The following CEP85L variants were observed in gnomAD, a reference collection of about 807,000 sequenced individuals.
CEP85L encodes centrosomal protein 85L, also known as centrosomal protein of 85 kDa-like.
Under a neutral mutation model 100.3 loss-of-function variants are expected in CEP85L, and 60 were observed. That is an observed-to-expected ratio of 0.60 (90% CI 0.49 to 0.74). The LOEUF (loss-of-function observed/expected upper bound fraction) is 0.74, where lower values mean the gene tolerates loss of function less well. Among genes scored for constraint, CEP85L ranks in the 30% least tolerant of loss-of-function variants. The probability of loss-of-function intolerance (pLI) is 0.00; values close to 1 mark genes in which losing one functional copy is unlikely to be tolerated. For synonymous variants in CEP85L, 319 were observed against 322.7 expected, an observed-to-expected ratio of 0.99 and a Z score of 0.12; for missense variants, 973 against 936.2, an observed-to-expected ratio of 1.04 and a Z score of -0.51.
chr6:118,486,639 G>C (rs1268126790), intron 6 of CEP85L, among the ~76,000 whole-genome samples: 1 of 152,064 alleles, frequency 6.6e-6, no homozygotes, highest in East Asian at 1.9e-4. Flanking sequence ...AAGAACTCAA[G>C]TCATCTCCAT....
At chr6:118,687,565 A>G (rs1255439815) in intron 1 of CEP85L, among the ~76,000 whole-genome samples, 2 of 152,214 alleles carry the variant, frequency 1.3e-5, no homozygotes, top group Admixed American at 1.3e-4. Context: ...ATAGCCAATC[A>G]TCTCTTGCCT....
chr6:118,482,004 T>C, intron 7 of CEP85L, 71 bp from the exon 8 acceptor site: 2 of 896,686 alleles, frequency 2.2e-6, no homozygotes, highest in Non-Finnish European at 3.1e-6. Flanking sequence ...ACTGTTACTG[T>C]GTTGGCAAGG....
upstream of CEP85L, chr6:118,656,978 A>G (rs2115399458): frequency 6.6e-6 from 1 of 152,330 alleles, no homozygotes; most frequent in Middle Eastern, 3.4e-3. Context: ...GGAACTTGTC[A>G]GATGTGCATT....
In CEP85L at chr6:118,491,428, T is replaced by C. The variant is rs1277956375; in HGVS notation, c.1437+258A>G. 4.4e-6 allele frequency: 5 copies of C among 1,145,624 alleles called. No homozygotes were observed. The Admixed American group carries it at 1.7e-4, about 39-fold the overall frequency. The allele number at this position is 1,145,624 out of a possible 1,614,324, so 71.0% of individuals were successfully genotyped here. The stretch of plus-strand genomic sequence containing the variant: ...GACTCAATAAGGAAAAGGAGAACAG[T>C]TATTTGGTGTAGGCAATTAATTTTT... On this transcript the variant is annotated intron_variant, in intron 6 of 12. Coordinates refer to ENST00000368491, the MANE Select transcript of CEP85L (RefSeq NM_001042475.3).
intron 2 of CEP85L, among the ~76,000 whole-genome samples, chr6:118,585,222 T>C (rs1375759112): frequency 2.0e-5 from 3 of 152,200 alleles, no homozygotes; most frequent in Non-Finnish European, 4.4e-5. Context: ...TAGCTAACAT[T>C]TACACAGACT....
intron 10 of CEP85L, among the ~76,000 whole-genome samples, chr6:118,473,751 A>AC (rs1426072556): frequency 6.6e-6 from 1 of 152,118 alleles, no homozygotes; most frequent in Non-Finnish European, 1.5e-5. Context: ...GGAGGCAAGG[A>AC]GAAGAGGTCA....
chr6:118,567,656 A>G (rs1316875307), intron 2 of CEP85L, among the ~76,000 whole-genome samples: 2 of 152,112 alleles, frequency 1.3e-5, no homozygotes, highest in Admixed American at 1.3e-4. Context: ...TTTATTCTGT[A>G]TCTCCCCACA....
At chr6:118,659,099 T>C (rs769722344) in intron 1 of CEP85L, among the ~76,000 whole-genome samples, 31 of 152,320 alleles carry the variant, frequency 2.0e-4, no homozygotes, top group South Asian at 1.4e-3. Flanking sequence ...TTCATTATAG[T>C]AATTGACACT....
intron 5 of CEP85L, chr6:118,501,866 A>T: frequency 7.7e-7 from 1 of 1,294,400 alleles, no homozygotes; most frequent in Non-Finnish European, 1.1e-6. Context: ...AGCCTTCAAG[A>T]GTCCCAGCAA....
intron 5 of CEP85L, among the ~76,000 whole-genome samples, chr6:118,495,598 T>C (rs1309532501): frequency 6.6e-6 from 1 of 152,192 alleles, no homozygotes; most frequent in Non-Finnish European, 1.5e-5. Context: ...ATTAAACCTC[T>C]TTCCTTTATA....
chr6:118,700,950 C>T (rs561176550), intron 1 of CEP85L, among the ~76,000 whole-genome samples: 3 of 152,272 alleles, frequency 2.0e-5, no homozygotes, highest in African/African-American at 7.2e-5. Context: ...TTGTTCTGCT[C>T]TCTGGGAATT....
chr6:118,476,436 AAG>A (rs1473285114), intron 10 of CEP85L, among the ~76,000 whole-genome samples: 2 of 152,234 alleles, frequency 1.3e-5, no homozygotes. Flanking sequence ...ACTTGAGAAA[AAG>A]AACTTTATTT....
At chr6:118,641,974 C>T (rs1394837682) in intron 1 of CEP85L, among the ~76,000 whole-genome samples, 1 of 152,072 alleles carries the variant, frequency 6.6e-6, no homozygotes, top group Non-Finnish European at 1.5e-5. Context: ...TGGAAATCAA[C>T]ATGACTCTTG....
At chr6:118,629,841 G>A (rs1774028049) in intron 2 of CEP85L, among the ~76,000 whole-genome samples, 2 of 152,248 alleles carry the variant, frequency 1.3e-5, no homozygotes, top group Middle Eastern at 3.4e-3. Context: ...TGATCCATTT[G>A]CTTCCAACCC....
At chr6:118,545,313 G>C (rs1778131849) in intron 3 of CEP85L, among the ~76,000 whole-genome samples, 1 of 152,124 alleles carries the variant, frequency 6.6e-6, no homozygotes, top group East Asian at 1.9e-4. Context: ...AATATAGCTG[G>C]GCGCGGTGGC....
rs147484383 is a variant in CEP85L at position 118,583,379 on chromosome 6, C to T, written c.233-17063G>A. ...GAGCACAACCATAAGGGGTGTATCA[C>T]GAAAAACTCTAACCCAATATTTTTC... On this transcript the variant is annotated intron_variant, in intron 2 of 12. Coordinates refer to ENST00000368491, the MANE Select transcript of CEP85L (RefSeq NM_001042475.3). Among the ~76,000 whole-genome samples, 567 of 152,270 alleles carry T rather than the reference C, an allele frequency of 3.7e-3. 3 individuals are homozygous for T. The highest frequency in any genetic ancestry group is 0.013 in the African/African-American group (539 of 41,562).
At chr6:118,657,649 G>C (rs942931601) in intron 1 of CEP85L, among the ~76,000 whole-genome samples, 2 of 152,128 alleles carry the variant, frequency 1.3e-5, no homozygotes, top group Non-Finnish European at 2.9e-5. Context: ...TTTCAAGTTG[G>C]ACTCAGAATA....
At chr6:118,693,394 G>A (rs62424000) in intron 1 of CEP85L, among the ~76,000 whole-genome samples, 33,506 of 152,126 alleles carry the variant, frequency 0.22, 4,804 homozygotes, top group Non-Finnish European at 0.32. Flanking sequence ...ACTGGTAGGT[G>A]GATGAACATT....
chr6:118,472,865 C>T (rs961741153), intron 10 of CEP85L, among the ~76,000 whole-genome samples: 4 of 152,130 alleles, frequency 2.6e-5, no homozygotes, highest in African/African-American at 9.7e-5. Flanking sequence ...TACTAACCTA[C>T]AAGGTCTTTA....
Sources: gnomAD v4.1 joint callset for allele counts (sites outside exome capture counted in the v4.1 genomes callset) on GRCh38, gnomAD v4.1.1 for gene constraint, MANE v1.5 for transcripts, NCBI Gene and HGNC (gene_info 2026-07-23, HGNC 2026-07-21) for gene names.